Variants in COL24A1 observed in about 807,000 individuals in gnomAD.
COL24A1 encodes the protein collagen type XXIV alpha 1 chain.
A neutral mutation model predicts 253.9 loss-of-function variants in COL24A1; 224 were observed. That is an observed-to-expected ratio of 0.88 (90% confidence interval 0.79 to 0.99). COL24A1 has a LOEUF of 0.99. COL24A1 is among the 50% of genes least tolerant of loss of function. The probability of loss-of-function intolerance (pLI) is 0.00; values close to 1 mark genes in which losing one functional copy is unlikely to be tolerated. For missense variants in COL24A1, 2,131 were observed against 2,068.5 expected (o/e 1.03, Z -0.59); for synonymous variants, 685 against 673.7 (o/e 1.02, Z -0.26).
chr1:86,083,303 A>AATAT (rs199775847), intron 7 of COL24A1, among the ~76,000 whole-genome samples: 8 of 150,550 alleles, frequency 5.3e-5, no homozygotes, highest in South Asian at 2.1e-4. Context: ...GTCTCAAAAA[A>AATAT]ATATATATAT....
At chr1:85,988,010 G>C (rs1271793254) in intron 19 of COL24A1, among the ~76,000 whole-genome samples, 2 of 151,496 alleles carry the variant, frequency 1.3e-5, no homozygotes, top group Non-Finnish European at 3.0e-5. Flanking sequence ...CAAAGATTAG[G>C]TGAATGTACT....
intron 1 of COL24A1, among the ~76,000 whole-genome samples, chr1:86,153,653 A>G (rs1432928560): frequency 6.6e-6 from 1 of 152,204 alleles, no homozygotes; most frequent in East Asian, 1.9e-4. Context: ...TACTTTCCAT[A>G]AATTAGATTT....
At chr1:85,990,803 T>C (rs1029782758) in intron 19 of COL24A1, among the ~76,000 whole-genome samples, 5 of 152,178 alleles carry the variant, frequency 3.3e-5, no homozygotes, top group African/African-American at 1.2e-4. Context: ...AAGTTCATAA[T>C]GATACAACAA....
chr1:85,924,347 G>A (rs1018621708), intron 24 of COL24A1, among the ~76,000 whole-genome samples: 2 of 152,150 alleles, frequency 1.3e-5, no homozygotes. Flanking sequence ...TGATACGAAA[G>A]CCTGGCAGAG....
At chr1:86,122,357 A>G (rs1647504571) in intron 3 of COL24A1, among the ~76,000 whole-genome samples, 1 of 151,898 alleles carries the variant, frequency 6.6e-6, no homozygotes. Flanking sequence ...CTATAACCAA[A>G]AAGCAAACAT....
intron 19 of COL24A1, among the ~76,000 whole-genome samples, chr1:86,013,569 C>T (rs891977484): frequency 1.3e-5 from 2 of 152,188 alleles, no homozygotes; most frequent in African/African-American, 4.8e-5. Context: ...GACATGGTGG[C>T]TCATGCCTAT....
intron 2 of COL24A1, among the ~76,000 whole-genome samples, chr1:86,140,514 C>T (rs1332512951): frequency 6.6e-6 from 1 of 152,192 alleles, no homozygotes. Context: ...GTTACTGCAG[C>T]TACAATGAAC....
chr1:85,987,352 C>G (rs565670995), intron 20 of COL24A1, among the ~76,000 whole-genome samples: 3 of 151,622 alleles, frequency 2.0e-5, no homozygotes, highest in Non-Finnish European at 4.4e-5. Context: ...AGAGTTTTTT[C>G]TCCTCATCTC....
intron 24 of COL24A1, among the ~76,000 whole-genome samples, chr1:85,918,996 T>C (rs1024444861): frequency 1.3e-5 from 2 of 152,166 alleles, no homozygotes; most frequent in African/African-American, 4.8e-5. Flanking sequence ...TTAATGTCAT[T>C]CTTCTCTATG....
intron 7 of COL24A1, among the ~76,000 whole-genome samples, chr1:86,074,989 G>A (rs1192123232): frequency 6.6e-6 from 1 of 152,036 alleles, no homozygotes; most frequent in Non-Finnish European, 1.5e-5. Flanking sequence ...AACTAGAGAT[G>A]CAAGACCAAA....
rs778125243 is a variant in COL24A1 at position 86,033,927 on chromosome 1, TC to T, written c.1951-5del. On this transcript the variant is annotated splice_polypyrimidine_tract_variant and splice_region_variant and intron_variant, in intron 12 of 59. Transcript: ENST00000370571. ...CTCCAAAGTCACCTGGAAAACCCTG[TC>T]ACAGGGAAAGAGGAAGAATGCCAAC... 41 of 1,591,910 alleles carry T rather than the reference TC, an allele frequency of 2.6e-5. 1 individual carries two copies. The East Asian group carries it at 9.2e-4, about 36-fold the overall frequency.
At chr1:86,126,626 T>C (rs1298307053) in intron 2 of COL24A1, among the ~76,000 whole-genome samples, 1 of 151,926 alleles carries the variant, frequency 6.6e-6, no homozygotes, top group Non-Finnish European at 1.5e-5. Context: ...CGGCATGCCA[T>C]CATACCTGGC....
chr1:85,927,121 C>A (rs943570094), intron 24 of COL24A1, among the ~76,000 whole-genome samples: 1 of 152,094 alleles, frequency 6.6e-6, no homozygotes, highest in Admixed American at 6.5e-5. Flanking sequence ...CAGCTCCCAG[C>A]GTGAGCGACG....
intron 19 of COL24A1, among the ~76,000 whole-genome samples, chr1:85,992,798 TCA>T (rs1694416481): frequency 6.6e-6 from 1 of 152,182 alleles, no homozygotes; most frequent in Non-Finnish European, 1.5e-5. Context: ...CTCAGTTAAG[TCA>T]TCCTATCAGA....
chr1:85,985,598 T>C (rs1372381481), intron 20 of COL24A1, among the ~76,000 whole-genome samples: 2 of 151,692 alleles, frequency 1.3e-5, no homozygotes, highest in Non-Finnish European at 3.0e-5. Context: ...GAAGAACAAC[T>C]ACTGAAGGAC....
In COL24A1 at chr1:85,730,440, AT is replaced by A; in HGVS notation, c.*105del. On this transcript the variant is annotated 3_prime_UTR_variant, in exon 60 of 60. Coordinates refer to ENST00000370571, the MANE Select transcript of COL24A1 (RefSeq NM_152890.7). ...CCTGAGATTCTTTAAGATTTAGCCA[AT>A]GCTTTATTACATGCATTTCATAATG... The A allele has an allele frequency of 1.6e-6, 2 of 1,229,642 alleles. No individual in the cohort carries two copies. Among genetic ancestry groups the A allele is most frequent in the East Asian group, 4.8e-5 (2 of 41,716 alleles). The allele number at this position is 1,229,642 out of a possible 1,614,324, so 76.2% of individuals were successfully genotyped here.
Position 85,971,335 on chromosome 1 carries a change from C to A in COL24A1, c.2418+5G>T, listed in dbSNP as rs1288792782. 6.2e-7 allele frequency: 1 copy of A among 1,611,150 alleles called. No individual in the cohort carries two copies. On this transcript the variant is annotated splice_donor_5th_base_variant and intron_variant, in intron 21 of 59. Transcript: ENST00000370571. ...GAAGCTGACTGGATATCACTTCTTC[C>A]ATACCTGAGTTCCTTTGAGACCAGG... is the stretch of plus-strand genomic sequence containing the variant.
chr1:85,955,792 A>C (rs1690397553), intron 24 of COL24A1, among the ~76,000 whole-genome samples: 1 of 152,238 alleles, frequency 6.6e-6, no homozygotes, highest in South Asian at 2.1e-4. Flanking sequence ...GTATCAAATG[A>C]GGTTTTGTGC....
chr1:85,961,171 G>A (rs1242958004), intron 24 of COL24A1, 78 bp downstream of exon 24: 19 of 1,060,770 alleles, frequency 1.8e-5, no homozygotes, highest in Admixed American at 3.7e-5. Flanking sequence ...CTTGACTATA[G>A]CAAACGTAAT....
Sources: gnomAD v4.1 joint callset for allele counts (sites outside exome capture counted in the v4.1 genomes callset) on GRCh38, gnomAD v4.1.1 for gene constraint, MANE v1.5 for transcripts, NCBI Gene and HGNC (gene_info 2026-07-23, HGNC 2026-07-21) for gene names.